Variants in MTA1 observed in about 807,000 individuals in gnomAD.
The protein encoded by MTA1 is metastasis-associated protein MTA1.
In MTA1, 15 loss-of-function variants were observed where a neutral mutation model predicts 97.0. The observed-to-expected ratio is 0.15, with a 90% CI of 0.10 to 0.24. The LOEUF (loss-of-function observed/expected upper bound fraction) is 0.24, where lower values mean the gene tolerates loss of function less well. Ranked by LOEUF, MTA1 falls within the 10% of genes least tolerant of loss-of-function variation. The probability of loss-of-function intolerance (pLI) is 1.00; values close to 1 mark genes in which losing one functional copy is unlikely to be tolerated. For missense variants in MTA1, 709 were observed against 1,015.1 expected (o/e 0.70, Z 4.10); for synonymous variants, 435 against 417.5 (o/e 1.04, Z -0.51).
rs1400981376 is a variant in MTA1 at position 105,469,764 on chromosome 14, C to T, written c.1846-77C>T. The T allele has an allele frequency of 7.1e-6, 10 of 1,402,118 alleles. No individual in the cohort carries two copies. In the African/African-American group the frequency reaches 2.3e-4, roughly 32 times the overall value. 86.9% of individuals were successfully genotyped at this position (1,402,118 alleles called of 1,614,324 possible). A position where few individuals can be genotyped will look rare whatever the true frequency, so the allele number is the denominator to read the frequency against. ...GGTGGGGGGTTGGCCAGGCACAGCA[C>T]CTCCCAGCGGGAGCCCTGCAGGTTG... On this transcript the variant is annotated intron_variant, in intron 19 of 20. Coordinates refer to ENST00000331320, the MANE Select transcript of MTA1 (RefSeq NM_004689.4).
chr14:105,433,636 T>C (rs2082247436), intron 1 of MTA1, among the ~76,000 whole-genome samples: 1 of 152,178 alleles, frequency 6.6e-6, no homozygotes, highest in Non-Finnish European at 1.5e-5. Flanking sequence ...ACAGTGTGCC[T>C]GGCAGTACCT....
chr14:105,461,013 C>G, intron 10 of MTA1, 60 bp downstream of exon 10: 1 of 1,536,534 alleles, frequency 6.5e-7, no homozygotes, highest in South Asian at 1.2e-5. Flanking sequence ...AGGTAGGCTG[C>G]GGGGGTGTGG....
chr14:105,440,210 G>C (rs2082463263), intron 2 of MTA1, among the ~76,000 whole-genome samples: 1 of 152,248 alleles, frequency 6.6e-6, no homozygotes, highest in Non-Finnish European at 1.5e-5. Flanking sequence ...TGCCGGAATG[G>C]GGCGCCACTC....
At chr14:105,469,656 T>A (rs937679808) in intron 19 of MTA1, 158 bp downstream of exon 19, 30 of 1,198,702 alleles carry the variant, frequency 2.5e-5, no homozygotes, top group Non-Finnish European at 3.3e-5. Context: ...CCATGGCCCC[T>A]GTGCCAGGCC....
At chr14:105,435,575 C>T (rs77850597) in intron 1 of MTA1, among the ~76,000 whole-genome samples, 154 of 152,298 alleles carry the variant, frequency 1.0e-3, no homozygotes, top group Non-Finnish European at 1.8e-3. Flanking sequence ...AGGGCAATGG[C>T]GTTCTCACTG....
At chr14:105,451,875 C>T (rs1555428818) in intron 6 of MTA1, among the ~76,000 whole-genome samples, 1 of 146,740 alleles carries the variant, frequency 6.8e-6, no homozygotes, top group Non-Finnish European at 1.5e-5. Context: ...ACTGCAACCT[C>T]CGCCTCCCGG....
rs782654223 is a variant in MTA1, at chr14:105,464,876, A to G, written c.1534+13A>G. The G allele has an allele frequency of 6.4e-7, 1 of 1,553,870 alleles. No individual in the cohort carries two copies. The highest frequency in any genetic ancestry group is 1.2e-5 in the South Asian group (1 of 85,192). ...ATCAAGGCCGAGTGTGAGTCACCCCAACGCCCCGCTTACTCTGTTCCTGCG... is the reference window on the plus strand; with the variant it reads ...ATCAAGGCCGAGTGTGAGTCACCCCGACGCCCCGCTTACTCTGTTCCTGCG... On this transcript the variant is annotated intron_variant, in intron 15 of 20. Transcript: ENST00000331320.
chr14:105,467,567 C>G lies in MTA1; in HGVS notation c.1813+825C>G, dbSNP rs587718708. On this transcript the variant is annotated intron_variant, in intron 18 of 20. Coordinates refer to ENST00000331320, the MANE Select transcript of MTA1 (RefSeq NM_004689.4). Reference sequence around the variant, plus strand: ...GGTGGGCCTGAGATCGGGTGCCGGGCCCCCCATCTCCACCTGTCTGGACAC... The same window carrying G: ...GGTGGGCCTGAGATCGGGTGCCGGGGCCCCCATCTCCACCTGTCTGGACAC... The G allele has an allele frequency of 5.2e-5, 23 of 442,892 alleles. No individual in the cohort carries two copies. The Middle Eastern group carries it at 1.0e-3, about 19-fold the overall frequency. The allele number at this position is 442,892 out of a possible 1,614,324, so 27.4% of individuals were successfully genotyped here. A position where few individuals can be genotyped will look rare whatever the true frequency, so the allele number is the denominator to read the frequency against.
intron 2 of MTA1, among the ~76,000 whole-genome samples, chr14:105,441,889 A>ATTT (rs2082544751): frequency 6.6e-6 from 1 of 152,222 alleles, no homozygotes; most frequent in Admixed American, 6.5e-5. Flanking sequence ...ATGTTCTCTG[A>ATTT]GAAATGGATG....
intron 18 of MTA1, 125 bp downstream of exon 18, chr14:105,466,867 C>T: frequency 3.1e-6 from 3 of 969,138 alleles, no homozygotes; most frequent in East Asian, 5.4e-5. Context: ...GTGAGCCAGG[C>T]CACAGCCCAG....
Position 105,424,268 on chromosome 14 carries a change from C to T in MTA1, c.28+4205C>T, listed in dbSNP as rs2081941615. Among the ~76,000 whole-genome samples, 3 of 152,242 alleles carry T rather than the reference C, an allele frequency of 2.0e-5. No individual in the cohort carries two copies. Among genetic ancestry groups the T allele is most frequent in the Admixed American group, 6.5e-5 (1 of 15,280 alleles). ...GGAGTGCAGTAGCGCAATCTGGGCT[C>T]ACTGCAAGTCCGCCTCCCGGGTTCA... is the stretch of plus-strand genomic sequence containing the variant. On this transcript the variant is annotated intron_variant, in intron 1 of 20. Coordinates refer to ENST00000331320, the MANE Select transcript of MTA1 (RefSeq NM_004689.4). The surrounding 1 kb of genome is among the most constrained non-coding windows in gnomAD (Gnocchi z 4.0).
intron 18 of MTA1, chr14:105,467,488 C>G (rs1555433197): frequency 2.2e-6 from 1 of 455,962 alleles, no homozygotes; most frequent in Admixed American, 2.3e-5. Context: ...CTCGAGGCTG[C>G]TGGGTGTCCT....
intron 1 of MTA1, among the ~76,000 whole-genome samples, chr14:105,423,009 C>T (rs895636954): frequency 5.9e-5 from 9 of 152,044 alleles, no homozygotes; most frequent in East Asian, 1.9e-4. Flanking sequence ...AGGGCAACGG[C>T]GGGATGTTTC....
In MTA1 at chr14:105,466,741, G is replaced by A. The variant is rs1414023391; in HGVS notation, c.1812G>A (p.Arg604=). The A allele has an allele frequency of 1.9e-6, 3 of 1,588,540 alleles. No individual in the cohort carries two copies. The highest frequency in any genetic ancestry group is 2.6e-6 in the Non-Finnish European group (3 of 1,169,200). Reference sequence around the variant, plus strand: ...AGAAGCGCCTCTTGATGCCCAGTAGGGGTAAGGCCTGGAGCCGCGGGCGGG... The same window carrying A: ...AGAAGCGCCTCTTGATGCCCAGTAGAGGTAAGGCCTGGAGCCGCGGGCGGG... ...NMKKRLLMPS[R]GLANHGQARH... The change falls in exon 18 of 21, where the codon AGG becomes AGA. Residue 604 remains arginine, a splice_region_variant and synonymous_variant. Transcript: ENST00000331320.
At chr14:105,448,365 C>G (rs982039139) in intron 3 of MTA1, among the ~76,000 whole-genome samples, 1 of 152,196 alleles carries the variant, frequency 6.6e-6, no homozygotes, top group Non-Finnish European at 1.5e-5. Flanking sequence ...CCACAGAGCC[C>G]TGTTCTGCTG....
intron 1 of MTA1, 71 bp from the exon 2 acceptor site, chr14:105,438,600 TG>T: frequency 7.2e-7 from 1 of 1,398,482 alleles, no homozygotes; most frequent in Non-Finnish European, 1.0e-6. Flanking sequence ...CCCGAGTCCC[TG>T]GGCCACGGGA....
Position 105,438,746 on chromosome 14 carries a change from G to A in MTA1, c.96+7G>A, listed in dbSNP as rs2082404854. 2 of 1,612,590 alleles carry A rather than the reference G, an allele frequency of 1.2e-6. 1 individual carries two copies. Among genetic ancestry groups the A allele is most frequent in the Middle Eastern group, 3.4e-4 (2 of 5,954 alleles). ...AATCGAGGAGCTCAACAAGGTACTG[G>A]GGGGCCCTGGTGTTGCTGCAGGGGG... On this transcript the variant is annotated splice_region_variant and intron_variant, in intron 2 of 20. Coordinates refer to ENST00000331320, the MANE Select transcript of MTA1 (RefSeq NM_004689.4).
At position 105,468,302 on chromosome 14, in the gene MTA1, T is replaced by C. The variant is rs1185380407; in HGVS notation, c.1814-1165T>C. ...GCGTGTGGCTCACTAACCTAAAGCA[T>C]GTGTTTCTTCCCTCTGCTGTCCACC... On this transcript the variant is annotated intron_variant, in intron 18 of 20. Coordinates refer to ENST00000331320, the MANE Select transcript of MTA1 (RefSeq NM_004689.4). 3.1e-6 allele frequency: 4 copies of C among 1,303,904 alleles called. No individual in the cohort carries two copies. The African/African-American group carries it at 6.1e-5, about 20-fold the overall frequency. The allele number at this position is 1,303,904 out of a possible 1,614,324, so 80.8% of individuals were successfully genotyped here.
At position 105,463,699 on chromosome 14, in the gene MTA1, G is replaced by C; in HGVS notation, c.1076+148G>C. 1.4e-6 allele frequency: 1 copy of C among 739,308 alleles called. No individual in the cohort carries two copies. The allele number at this position is 739,308 out of a possible 1,614,324, so 45.8% of individuals were successfully genotyped here. ...GCCCCCGGGAGGGCGGCCCAGGGCT[G>C]GGGGGTTCTGGCTGCAGACGCAGTG... is the stretch of plus-strand genomic sequence containing the variant. On this transcript the variant is annotated intron_variant, in intron 12 of 20. Coordinates refer to ENST00000331320, the MANE Select transcript of MTA1 (RefSeq NM_004689.4). This position sits in a 1 kb window ranked among gnomAD's most constrained non-coding sequence, Gnocchi z 5.9.
Sources: allele counts gnomAD v4.1 joint callset (sites outside exome capture counted in the v4.1 genomes callset), GRCh38; gene constraint gnomAD v4.1.1; non-coding constraint Gnocchi (gnomAD v3.1); transcripts MANE v1.5; gene names NCBI Gene and HGNC (gene_info 2026-07-23, HGNC 2026-07-21).